TRIM45: variants seen among roughly 807,000 people sequenced by gnomAD.
The protein encoded by TRIM45 is tripartite motif containing 45.
TRIM45 carries 45 observed loss-of-function variants against 46.7 expected under a neutral mutation model. The observed-to-expected ratio is 0.96, with a 90% CI of 0.76 to 1.24. The LOEUF (loss-of-function observed/expected upper bound fraction) is 1.24. Among genes scored for constraint, TRIM45 ranks in the 50% most tolerant of loss-of-function variants. The pLI is 0.00. For synonymous variants in TRIM45, 259 were observed against 285.8 expected, an observed-to-expected ratio of 0.91 and a Z score of 0.94; for missense variants, 680 against 728.4, an observed-to-expected ratio of 0.93 and a Z score of 0.77.
rs1650636634 is a variant in TRIM45, at chr1:117,121,597, C to T, written c.-396G>A. 1 of 511,842 alleles carries T rather than the reference C, an allele frequency of 2.0e-6. No individual in the cohort carries two copies. 31.7% of individuals were successfully genotyped at this position (511,842 alleles called of 1,614,324 possible). A position where few individuals can be genotyped will look rare whatever the true frequency, so the allele number is the denominator to read the frequency against. ...ACTGCGCGCCACACGCGACAAGCGC[C>T]GACCCCACCCGCGCACGATGAGGTA... is the stretch of plus-strand genomic sequence containing the variant. On this transcript the variant is annotated 5_prime_UTR_variant, in exon 1 of 6. Coordinates refer to ENST00000256649, the MANE Select transcript of TRIM45 (RefSeq NM_025188.4). The surrounding 1 kb of genome is among the most constrained non-coding windows in gnomAD (Gnocchi z 4.2).
Position 117,118,728 on chromosome 1 carries a change from TA to T in TRIM45, c.527del (p.Leu176GlnfsTer4). ...TCCGGCTGTAGCCTTTCAAGTCTTT[TA>T]GGTCCACCATGGTGTGGTAAGTCGT... is the stretch of plus-strand genomic sequence containing the variant. ...KKTTYHTMVDLKDLKGYSRIG... is the reference protein window; with the variant it reads ...KKTTYHTMVDXKDLKGYSRIG... On this transcript the variant is annotated frameshift_variant, in exon 2 of 6. Coordinates refer to ENST00000256649, the MANE Select transcript of TRIM45 (RefSeq NM_025188.4). LOFTEE classifies it high-confidence loss of function. This position sits in a 1 kb window ranked among gnomAD's most constrained non-coding sequence, Gnocchi z 5.7. 1 of 1,613,512 alleles carries T rather than the reference TA, an allele frequency of 6.2e-7. No homozygotes were observed. The highest frequency in any genetic ancestry group is 8.5e-7 in the Non-Finnish European group (1 of 1,180,040).
chr1:117,121,944 G>A, upstream of TRIM45: 1 of 677,210 alleles, frequency 1.5e-6, no homozygotes, highest in Non-Finnish European at 2.7e-6. This position sits in a 1 kb window ranked among gnomAD's most constrained non-coding sequence, Gnocchi z 4.2. Flanking sequence ...TGGGCGGGGC[G>A]GCCGAAGGGC....
rs775367801 is a variant in TRIM45, at chr1:117,118,649, A to G, written c.607T>C (p.Cys203Arg). 2 of 1,613,952 alleles carry G rather than the reference A, an allele frequency of 1.2e-6. No homozygotes were observed. Among genetic ancestry groups the G allele is most frequent in the African/African-American group, 2.7e-5 (2 of 74,938 alleles). The change falls in exon 2 of 6, where the codon TGT becomes CGT. Residue 203 changes from cysteine (C) to arginine (R), a missense_variant. Transcript: ENST00000256649. The surrounding 1 kb of genome is among the most constrained non-coding windows in gnomAD (Gnocchi z 5.7). ...VHPAEELRLF[C>R]EFCDRPVCQD... ...CACACGGGCCGGTCACAGAACTCAC[A>G]GAACAGCCTCAGTTCCTCTGCAGGG...
At position 117,112,426 on chromosome 1, in the gene TRIM45, T is replaced by G. The variant is rs1344935409; in HGVS notation, c.1622A>C (p.His541Pro). 2.5e-6 allele frequency: 4 copies of G among 1,613,698 alleles called. No homozygotes were observed. Among genetic ancestry groups the G allele is most frequent in the Non-Finnish European group, 3.4e-6 (4 of 1,179,884 alleles). The part of the protein sequence containing the change: ...PGGYLGCGHG[H>P]KGHPGHPHWS... ...GTGGGGATGACCTGGGTGGCCTTTG[T>G]GTCCATGGCCACAGCCTAGGTACCC... The change falls in exon 6 of 6, where the codon CAC becomes CCC. Residue 541 changes from histidine to proline, a missense_variant. Coordinates refer to ENST00000256649, the MANE Select transcript of TRIM45 (RefSeq NM_025188.4).
rs1650352576 is a variant in TRIM45, at chr1:117,115,192, G to C, written c.1467+383C>G. Reference sequence around the variant, plus strand: ...GAGGGGGCATAACCCTCTCAACTGTGTTCATGTCCAGACACAGTCTGGACA... The same window carrying C: ...GAGGGGGCATAACCCTCTCAACTGTCTTCATGTCCAGACACAGTCTGGACA... On this transcript the variant is annotated intron_variant, in intron 4 of 5. Transcript: ENST00000256649. The surrounding 1 kb of genome is among the most constrained non-coding windows in gnomAD (Gnocchi z 4.2). Among the ~76,000 whole-genome samples, 1 of 152,110 alleles carries C rather than the reference G, an allele frequency of 6.6e-6. No homozygotes were observed. The highest frequency in any genetic ancestry group is 1.5e-5 in the Non-Finnish European group (1 of 68,030).
chr1:117,123,732 C>A (rs149845358), upstream of TRIM45, among the ~76,000 whole-genome samples: 4 of 151,962 alleles, frequency 2.6e-5, no homozygotes, highest in East Asian at 7.7e-4. Context: ...AGGGTTCAAG[C>A]GATTCTCCTG....
Position 117,117,916 on chromosome 1 carries a change from C to T in TRIM45, c.1222+118G>A. ...CACTGTCTTTCAGATCAGTTTATCT[C>T]CCCACCTTTGGTAACCTGGTCAGTA... On this transcript the variant is annotated intron_variant, in intron 2 of 5. Transcript: ENST00000256649. The surrounding 1 kb of genome is among the most constrained non-coding windows in gnomAD (Gnocchi z 4.9). 5 of 1,358,842 alleles carry T rather than the reference C, an allele frequency of 3.7e-6. No individual in the cohort carries two copies. Among genetic ancestry groups the T allele is most frequent in the Non-Finnish European group, 5.0e-6 (5 of 991,440 alleles). The allele number at this position is 1,358,842 out of a possible 1,614,324, so 84.2% of individuals were successfully genotyped here.
At position 117,121,658 on chromosome 1, in the gene TRIM45, G is replaced by A. The variant is rs1650639161; in HGVS notation, c.-457C>T. 3.7e-6 allele frequency: 2 copies of A among 537,250 alleles called. No homozygotes were observed. The highest frequency in any genetic ancestry group is 6.6e-6 in the Non-Finnish European group (2 of 303,074). The allele number at this position is 537,250 out of a possible 1,614,324, so 33.3% of individuals were successfully genotyped here. A position where few individuals can be genotyped will look rare whatever the true frequency, so the allele number is the denominator to read the frequency against. ...TGCTCCTTCCCTCTGCGAAAGGCGCGCGCCGGGTGAGGGAATTGCAAGCCG... is the reference window on the plus strand; with the variant it reads ...TGCTCCTTCCCTCTGCGAAAGGCGCACGCCGGGTGAGGGAATTGCAAGCCG... On this transcript the variant is annotated 5_prime_UTR_variant, in exon 1 of 6. Coordinates refer to ENST00000256649, the MANE Select transcript of TRIM45 (RefSeq NM_025188.4). The surrounding 1 kb of genome is among the most constrained non-coding windows in gnomAD (Gnocchi z 4.2).
At position 117,116,319 on chromosome 1, in the gene TRIM45, G is replaced by A. The variant is rs771190538; in HGVS notation, c.1352+297C>T. 2.7e-5 allele frequency among the ~76,000 whole-genome samples: 4 copies of A among 150,502 alleles called. No homozygotes were observed. The highest frequency in any genetic ancestry group is 5.9e-5 in the Non-Finnish European group (4 of 67,808). On this transcript the variant is annotated intron_variant, in intron 3 of 5. Coordinates refer to ENST00000256649, the MANE Select transcript of TRIM45 (RefSeq NM_025188.4). The surrounding 1 kb of genome is among the most constrained non-coding windows in gnomAD (Gnocchi z 4.6). ...CACAATCACAGCTCACTGCAACCTC[G>A]ACCTCCTGGGCTCAAGGGATCCTCC...
Position 117,121,217 on chromosome 1 carries a change from G to T in TRIM45, c.-16C>A. On this transcript the variant is annotated 5_prime_UTR_variant, in exon 1 of 6. Coordinates refer to ENST00000256649, the MANE Select transcript of TRIM45 (RefSeq NM_025188.4). The surrounding 1 kb of genome is among the most constrained non-coding windows in gnomAD (Gnocchi z 4.2). ...TTTCTGACATACTCCTCACGTTTGT[G>T]ACCAATATTAGAAAGGGCCCTGGGC... 1 of 1,524,110 alleles carries T rather than the reference G, an allele frequency of 6.6e-7. No individual in the cohort carries two copies. Among genetic ancestry groups the T allele is most frequent in the South Asian group, 1.3e-5 (1 of 76,598 alleles). The allele number at this position is 1,524,110 out of a possible 1,614,324, so 94.4% of individuals were successfully genotyped here.
At position 117,121,594 on chromosome 1, in the gene TRIM45, C is replaced by G. The variant is rs894381593; in HGVS notation, c.-393G>C. ...CCCACTGCGCGCCACACGCGACAAG[C>G]GCCGACCCCACCCGCGCACGATGAG... On this transcript the variant is annotated 5_prime_UTR_variant, in exon 1 of 6. Transcript: ENST00000256649. The surrounding 1 kb of genome is among the most constrained non-coding windows in gnomAD (Gnocchi z 4.2). The G allele has an allele frequency of 1.8e-5, 9 of 502,500 alleles. No individual in the cohort carries two copies. The highest frequency in any genetic ancestry group is 2.8e-5 in the Non-Finnish European group (8 of 284,960). 31.1% of individuals were successfully genotyped at this position (502,500 alleles called of 1,614,324 possible).
In TRIM45 at chr1:117,115,626, C is replaced by A; in HGVS notation, c.1416G>T (p.Lys472Asn). 1 of 1,614,148 alleles carries A rather than the reference C, an allele frequency of 6.2e-7. No homozygotes were observed. Among genetic ancestry groups the A allele is most frequent in the Non-Finnish European group, 8.5e-7 (1 of 1,180,022 alleles). Residue 472 changes from lysine (K) to asparagine (N), a missense_variant, in exon 4 of 6, where the codon AAG becomes AAT. Lys to Asn is a moderately conservative substitution (Grantham distance 94). Around this residue, in one of 3 missense-constraint regions of TRIM45, gnomAD observed 322 missense variants for 359.3 expected, o/e 0.90. Transcript: ENST00000256649. The surrounding 1 kb of genome is among the most constrained non-coding windows in gnomAD (Gnocchi z 4.2). ...DGTYYISYTP[K>N]EPGVYTVWVC... Reference sequence around the variant, plus strand: ...CCCACACAGTATAGACGCCAGGTTCCTTGGGGGTGTAGGAAATGTAGTATG... The same window carrying A: ...CCCACACAGTATAGACGCCAGGTTCATTGGGGGTGTAGGAAATGTAGTATG...
rs1557847948 is a variant in TRIM45 at position 117,118,605 on chromosome 1, C to T, written c.651G>A (p.Gly217=). Residue 217 remains glycine, a synonymous_variant, in exon 2 of 6, where the codon GGG becomes GGA. Coordinates refer to ENST00000256649, the MANE Select transcript of TRIM45 (RefSeq NM_025188.4). This position sits in a 1 kb window ranked among gnomAD's most constrained non-coding sequence, Gnocchi z 5.7. ...DRPVCQDCVV[G]EHREHPCDFT... is the part of the protein sequence containing the mutation. ...AGTCACAGGGGTGTTCCCGATGCTCCCCCACCACACAATCCTGGCACACGG... is the reference window on the plus strand; with the variant it reads ...AGTCACAGGGGTGTTCCCGATGCTCTCCCACCACACAATCCTGGCACACGG... 1 of 1,614,038 alleles carries T rather than the reference C, an allele frequency of 6.2e-7. No homozygotes were observed. Among genetic ancestry groups the T allele is most frequent in the African/African-American group, 1.3e-5 (1 of 75,018 alleles).
chr1:117,123,249 C>T (rs1341029906), upstream of TRIM45, among the ~76,000 whole-genome samples: 1 of 152,172 alleles, frequency 6.6e-6, no homozygotes, highest in African/African-American at 2.4e-5. Context: ...TCAAAATCGG[C>T]ATTCGCCTCT....
At position 117,121,549 on chromosome 1, in the gene TRIM45, A is replaced by G; in HGVS notation, c.-348T>C. ...TGCACCTCTCGCTCCCTCCACTGCC[A>G]CCCCCCTCCCGCCGCCCGCCCCACT... is the stretch of plus-strand genomic sequence containing the variant. On this transcript the variant is annotated 5_prime_UTR_variant, in exon 1 of 6. Transcript: ENST00000256649. The surrounding 1 kb of genome is among the most constrained non-coding windows in gnomAD (Gnocchi z 4.2). 2.3e-6 allele frequency: 1 copy of G among 433,528 alleles called. No homozygotes were observed. Among genetic ancestry groups the G allele is most frequent in the Non-Finnish European group, 4.1e-6 (1 of 244,144 alleles). 26.9% of individuals were successfully genotyped at this position (433,528 alleles called of 1,614,324 possible).
rs372269129 is a variant in TRIM45 at position 117,113,448 on chromosome 1, C to T, written c.1505G>A (p.Arg502His). Residue 502 changes from arginine (R) to histidine (H), a missense_variant, in exon 5 of 6, where the codon CGC (arginine) becomes CAC (histidine). This residue lies in a region of TRIM45 where 322 missense variants were observed against 359.3 expected (regional missense o/e 0.90). Coordinates refer to ENST00000256649, the MANE Select transcript of TRIM45 (RefSeq NM_025188.4). The surrounding 1 kb of genome is among the most constrained non-coding windows in gnomAD (Gnocchi z 4.0). ...PFTVMVRRKH[R>H]PHSGVFHCCT... Reference sequence around the variant, plus strand: ...GCAGTGAAACACGCCTGAGTGTGGGCGGTGCTTTCTCCTCACCATCACAGT... The same window carrying T: ...GCAGTGAAACACGCCTGAGTGTGGGTGGTGCTTTCTCCTCACCATCACAGT... The T allele has an allele frequency of 2.5e-5, 40 of 1,612,814 alleles. No homozygotes were observed. Among genetic ancestry groups the T allele is most frequent in the East Asian group, 4.5e-5 (2 of 44,878 alleles).
rs2101343988 is a variant in TRIM45, at chr1:117,117,050, T to G, written c.1223-305A>C. ...CTGACCGAGGTATTTAAAGAAAACC[T>G]CTAGACCCTGTGAGAGAGGATAGTA... is the stretch of plus-strand genomic sequence containing the variant. On this transcript the variant is annotated intron_variant, in intron 2 of 5. Coordinates refer to ENST00000256649, the MANE Select transcript of TRIM45 (RefSeq NM_025188.4). This position sits in a 1 kb window ranked among gnomAD's most constrained non-coding sequence, Gnocchi z 4.9. 6.6e-6 allele frequency among the ~76,000 whole-genome samples: 1 copy of G among 152,168 alleles called. No individual in the cohort carries two copies. Among genetic ancestry groups the G allele is most frequent in the Non-Finnish European group, 1.5e-5 (1 of 68,008 alleles).
chr1:117,118,163 G>A lies in TRIM45; in HGVS notation c.1093C>T (p.Arg365Cys), dbSNP rs1419216570. ...CGTATCTTATCATTTACTCCAGGAC[G>A]GGTGCTATATTGAACTTTGTTCAGC... ...RKLNKVQYSTRPGVNDKIRFC... is the reference protein window; with the variant it reads ...RKLNKVQYSTCPGVNDKIRFC... The change falls in exon 2 of 6, where the codon CGT becomes TGT. Residue 365 changes from arginine to cysteine, a missense_variant. Arg to Cys is a radical substitution (Grantham distance 180). Transcript: ENST00000256649. The surrounding 1 kb of genome is among the most constrained non-coding windows in gnomAD (Gnocchi z 5.7). 14 of 1,614,160 alleles carry A rather than the reference G, an allele frequency of 8.7e-6. No individual in the cohort carries two copies. The highest frequency in any genetic ancestry group is 1.6e-4 in the Middle Eastern group (1 of 6,062).
Position 117,116,086 on chromosome 1 carries a change from A to G in TRIM45, c.1353-397T>C, listed in dbSNP as rs1650387162. ...CACAGAATATTTTTCAACTTATTCT[A>G]AAGCTTGAGATGAAAACAATCTGAG... On this transcript the variant is annotated intron_variant, in intron 3 of 5. Coordinates refer to ENST00000256649, the MANE Select transcript of TRIM45 (RefSeq NM_025188.4). The surrounding 1 kb of genome is among the most constrained non-coding windows in gnomAD (Gnocchi z 4.6). Among the ~76,000 whole-genome samples the G allele has an allele frequency of 6.6e-6, 1 of 152,228 alleles. No homozygotes were observed. The highest frequency in any genetic ancestry group is 2.4e-5 in the African/African-American group (1 of 41,470).
Sources: gnomAD v4.1 joint callset for allele counts (sites outside exome capture counted in the v4.1 genomes callset) on GRCh38, gnomAD v4.1.1 for gene constraint, gnomAD v4.1.1 regional missense constraint, Gnocchi (gnomAD v3.1) non-coding constraint, MANE v1.5 for transcripts, NCBI Gene and HGNC (gene_info 2026-07-23, HGNC 2026-07-21) for gene names.